Variants in LAMA1 observed in about 807,000 individuals in gnomAD.
The protein encoded by LAMA1 is laminin subunit alpha 1.
Under a neutral mutation model 348.7 loss-of-function variants are expected in LAMA1, and 219 were observed. The ratio of observed to expected loss-of-function variants is 0.63; its 90% CI spans 0.56 to 0.70. The LOEUF is 0.70. LAMA1 is among the 30% of genes least tolerant of loss of function. The pLI is 0.00. For missense variants in LAMA1, 3,744 were observed against 3,888.0 expected (o/e 0.96, Z 0.99); for synonymous variants, 1,487 against 1,491.0 (o/e 1.00, Z 0.06).
intron 1 of LAMA1, among the ~76,000 whole-genome samples, chr18:7,083,193 ATTT>A (rs10685378): frequency 7.1e-6 from 1 of 141,072 alleles, no homozygotes; most frequent in Non-Finnish European, 1.5e-5. Flanking sequence ...ATATATATAC[ATTT>A]TTTTTTTTTT....
chr18:7,001,538 T>A (rs1018761314), intron 30 of LAMA1, among the ~76,000 whole-genome samples: 5 of 152,156 alleles, frequency 3.3e-5, no homozygotes, highest in Non-Finnish European at 7.4e-5. Context: ...GTACTCACCA[T>A]CAGGCATCAT....
chr18:7,021,820 T>G (rs1027490999), intron 19 of LAMA1, among the ~76,000 whole-genome samples: 51 of 103,178 alleles, frequency 4.9e-4, no homozygotes, highest in Non-Finnish European at 8.0e-4. Flanking sequence ...ATATAATATA[T>G]ATTATATAAT....
intron 61 of LAMA1, among the ~76,000 whole-genome samples, chr18:6,946,898 A>G (rs1779055695): frequency 1.3e-5 from 2 of 152,176 alleles, no homozygotes; most frequent in Admixed American, 1.3e-4. Flanking sequence ...TTATTCTCAG[A>G]TGGTTCAGGA....
chr18:7,072,124 G>GA (rs538680658), intron 3 of LAMA1, among the ~76,000 whole-genome samples: 61 of 152,144 alleles, frequency 4.0e-4, no homozygotes, highest in African/African-American at 1.3e-3. Flanking sequence ...TTCCTAATCA[G>GA]AAAAAACAGA....
chr18:7,017,493 T>G (rs1285276497), intron 19 of LAMA1, 109 bp from the exon 20 acceptor site: 13 of 789,456 alleles, frequency 1.6e-5, no homozygotes, highest in Non-Finnish European at 2.6e-5. Context: ...ATGTTTCAAA[T>G]CACAAAACTA....
chr18:7,103,290 A>G (rs1308265557), intron 1 of LAMA1, among the ~76,000 whole-genome samples: 1 of 152,148 alleles, frequency 6.6e-6, no homozygotes, highest in Non-Finnish European at 1.5e-5. Flanking sequence ...CTGTAGTCCC[A>G]GCTACTCGGG....
At chr18:6,985,956 C>T (rs1363849906) in intron 37 of LAMA1, among the ~76,000 whole-genome samples, 181 bp downstream of exon 37, 1 of 152,110 alleles carries the variant, frequency 6.6e-6, no homozygotes, top group African/African-American at 2.4e-5. Flanking sequence ...ACCGGGGTTT[C>T]ACCATGTTGG....
At chr18:7,011,575 AGCTTC>A in intron 24 of LAMA1, 96 bp from the exon 25 acceptor site, 3 of 1,152,092 alleles carry the variant, frequency 2.6e-6, no homozygotes, top group Non-Finnish European at 3.8e-6. Context: ...CAGATGAAAC[AGCTTC>A]ATTATTAAAA....
intron 22 of LAMA1, 34 bp from the exon 23 acceptor site, chr18:7,014,085 G>C (rs746514403): frequency 3.9e-6 from 6 of 1,540,410 alleles, no homozygotes; most frequent in Non-Finnish European, 9.0e-7. Context: ...AATTAAAAAG[G>C]CAGATTTGAT....
At chr18:7,050,603 G>T in intron 4 of LAMA1, 91 bp downstream of exon 4, 1 of 1,572,344 alleles carries the variant, frequency 6.4e-7, no homozygotes, top group Admixed American at 1.7e-5. Flanking sequence ...TTATATTAAA[G>T]ATCTTTGTAT....
chr18:7,066,107 TAGGTG>T (rs906703466), intron 3 of LAMA1, among the ~76,000 whole-genome samples: 1 of 152,178 alleles, frequency 6.6e-6, no homozygotes, highest in African/African-American at 2.4e-5. Context: ...AAGGTAGTGA[TAGGTG>T]AGTAATATAT....
chr18:7,083,121 T>G (rs2143787657), intron 1 of LAMA1, among the ~76,000 whole-genome samples: 1 of 152,154 alleles, frequency 6.6e-6, no homozygotes, highest in African/African-American at 2.4e-5. Flanking sequence ...TCAGTTATAG[T>G]AATCAGCATC....
At chr18:6,963,343 G>A (rs2057617314) in intron 51 of LAMA1, among the ~76,000 whole-genome samples, 2 of 152,188 alleles carry the variant, frequency 1.3e-5, no homozygotes, top group Admixed American at 1.3e-4. Context: ...GACAGGGCAT[G>A]AATCTGGGAT....
Position 7,050,677 on chromosome 18 carries a change from G to C in LAMA1, c.588+17C>G, listed in dbSNP as rs772112929. 25 of 1,613,200 alleles carry C rather than the reference G, an allele frequency of 1.5e-5. No homozygotes were observed. The East Asian group carries it at 5.6e-4, about 36-fold the overall frequency. ...TGATGAGGAAACAGATCTTGCTGCAGCGGGCACCATACCTACCTCTCCATG... is the reference window on the plus strand; with the variant it reads ...TGATGAGGAAACAGATCTTGCTGCACCGGGCACCATACCTACCTCTCCATG... On this transcript the variant is annotated intron_variant, in intron 4 of 62. Transcript: ENST00000389658.
chr18:7,016,589 G>A lies in LAMA1; in HGVS notation c.2891C>T (p.Thr964Met), dbSNP rs758300021. The A allele has an allele frequency of 5.9e-5, 95 of 1,614,022 alleles. No homozygotes were observed. Among genetic ancestry groups the A allele is most frequent in the Middle Eastern group, 1.6e-4 (1 of 6,084 alleles). Residue 964 changes from threonine (T) to methionine (M), a missense_variant, in exon 21 of 63, where the codon ACG becomes ATG. By Grantham distance (81) the Thr-to-Met change is moderately conservative (BLOSUM62 -1). Coordinates refer to ENST00000389658, the MANE Select transcript of LAMA1 (RefSeq NM_005559.4). ...SVAGSVSDGCTDEGQCHCVPG... is the reference protein window; with the variant it reads ...SVAGSVSDGCMDEGQCHCVPG... ...GACACAGTGACACTGGCCTTCATCCGTGCAGCCATCTGACACGGAGCCTGC... is the reference window on the plus strand; with the variant it reads ...GACACAGTGACACTGGCCTTCATCCATGCAGCCATCTGACACGGAGCCTGC...
At chr18:7,077,480 C>T (rs1245408900) in intron 3 of LAMA1, among the ~76,000 whole-genome samples, 1 of 152,072 alleles carries the variant, frequency 6.6e-6, no homozygotes, top group Non-Finnish European at 1.5e-5. Context: ...GCTGGGATTA[C>T]AGGCATGAGC....
chr18:7,080,044 C>G lies in LAMA1; in HGVS notation c.276G>C (p.Trp92Cys). Residue 92 changes from tryptophan to cysteine, a missense_variant, in exon 3 of 63, where the codon TGG (tryptophan) becomes TGC (cysteine). By Grantham distance (215) the Trp-to-Cys change is radical. Coordinates refer to ENST00000389658, the MANE Select transcript of LAMA1 (RefSeq NM_005559.4). ...CATTCTGAATGCTGGGACTTTGCCACCAGTTATTGGTGCCATCTATGGCAT... is the reference window on the plus strand; with the variant it reads ...CATTCTGAATGCTGGGACTTTGCCAGCAGTTATTGGTGCCATCTATGGCAT... ...ISHAIDGTNN[W>C]WQSPSIQNGR... is the part of the protein sequence containing the mutation. 1 of 1,613,988 alleles carries G rather than the reference C, an allele frequency of 6.2e-7. No individual in the cohort carries two copies. The highest frequency in any genetic ancestry group is 2.2e-5 in the East Asian group (1 of 44,894).
In LAMA1 at chr18:7,032,116, A is replaced by T. The variant is rs1272946402; in HGVS notation, c.2224T>A (p.Cys742Ser). 6.2e-7 allele frequency: 1 copy of T among 1,614,120 alleles called. No individual in the cohort carries two copies. Among genetic ancestry groups the T allele is most frequent in the African/African-American group, 1.3e-5 (1 of 74,948 alleles). Residue 742 changes from cysteine to serine, a missense_variant, in exon 16 of 63, where the codon TGT becomes AGT. Physicochemically the swap from Cys to Ser is moderately radical, Grantham distance 112 (BLOSUM62 -1). Transcript: ENST00000389658. ...GILFGGICQP[C>S]ECHGHAAECN... Reference sequence around the variant, plus strand: ...TCAGCTGCATGGCCGTGGCATTCACAGGGTTGACAAATTCCTCCAAAGAGT... The same window carrying T: ...TCAGCTGCATGGCCGTGGCATTCACTGGGTTGACAAATTCCTCCAAAGAGT...
intron 19 of LAMA1, among the ~76,000 whole-genome samples, chr18:7,018,483 CCT>C (rs2057899895): frequency 6.7e-6 from 1 of 150,368 alleles, no homozygotes; most frequent in Non-Finnish European, 1.5e-5. Context: ...GCAAGCTCCG[CCT>C]TTCGGGTTCA....
Sources: allele counts gnomAD v4.1 joint callset (sites outside exome capture counted in the v4.1 genomes callset), GRCh38; gene constraint gnomAD v4.1.1; transcripts MANE v1.5; gene names NCBI Gene and HGNC (gene_info 2026-07-23, HGNC 2026-07-21).